Variants in TCF12 observed in about 807,000 individuals in gnomAD.
TCF12 encodes the protein transcription factor 12, also known as DNA-binding protein HTF4.
A neutral mutation model predicts 86.0 loss-of-function variants in TCF12; 45 were observed. The observed-to-expected ratio is 0.52, with a 90% CI of 0.41 to 0.67. The LOEUF (loss-of-function observed/expected upper bound fraction) is 0.67, where lower values mean the gene tolerates loss of function less well. Ranked by LOEUF, TCF12 falls within the 30% of genes least tolerant of loss-of-function variation. The pLI, the probability that TCF12 is intolerant of heterozygous loss-of-function variation, is 0.00. For synonymous variants in TCF12, 330 were observed against 299.6 expected, an observed-to-expected ratio of 1.10 and a Z score of -1.05; for missense variants, 881 against 859.9, an observed-to-expected ratio of 1.02 and a Z score of -0.31.
chr15:57,212,960 T>C (rs2058175571), intron 8 of TCF12, among the ~76,000 whole-genome samples: 1 of 152,336 alleles, frequency 6.6e-6, no homozygotes, highest in East Asian at 1.9e-4. Flanking sequence ...TACTAATGAA[T>C]GATAGGGAGA....
intron 5 of TCF12, among the ~76,000 whole-genome samples, chr15:57,117,344 T>G (rs1251067759): frequency 6.6e-6 from 1 of 152,166 alleles, no homozygotes; most frequent in Non-Finnish European, 1.5e-5. Context: ...TCTTAGCATC[T>G]TTAAAACCCA....
rs150427713 is a variant in TCF12, at chr15:57,064,624, A to G, written c.222+801A>G. ...AGCCTAGCCAACATAGTGAAACCCC[A>G]TCTCTACTAAAAATACAAAAATTAG... is the stretch of plus-strand genomic sequence containing the variant. On this transcript the variant is annotated intron_variant, in intron 4 of 20. Transcript: ENST00000333725. 4.9e-3 allele frequency among the ~76,000 whole-genome samples: 750 copies of G among 151,812 alleles called. 33 individuals are homozygous for G. In the East Asian group the frequency reaches 0.1, roughly 21 times the overall value.
chr15:57,112,438 CTG>C (rs566515719), intron 5 of TCF12, among the ~76,000 whole-genome samples: 79 of 152,308 alleles, frequency 5.2e-4, no homozygotes, highest in South Asian at 2.1e-3. Context: ...AGCTGTCTAA[CTG>C]TGACCGATTG....
intron 3 of TCF12, among the ~76,000 whole-genome samples, chr15:57,033,494 T>C (rs1255984617): frequency 2.6e-5 from 4 of 152,162 alleles, no homozygotes; most frequent in Non-Finnish European, 5.9e-5. Context: ...CACATTATTG[T>C]CTGAACTGAA....
At chr15:57,239,313 T>G (rs1206037767) in intron 12 of TCF12, among the ~76,000 whole-genome samples, 1 of 151,924 alleles carries the variant, frequency 6.6e-6, no homozygotes, top group Non-Finnish European at 1.5e-5. Flanking sequence ...ATTGCACCAC[T>G]GCACTCCAGC....
intron 5 of TCF12, among the ~76,000 whole-genome samples, chr15:57,165,363 G>A (rs1306523608): frequency 6.6e-6 from 1 of 152,046 alleles, no homozygotes; most frequent in Non-Finnish European, 1.5e-5. Context: ...CAGGTTTCAA[G>A]ATAAAAACCA....
intron 4 of TCF12, among the ~76,000 whole-genome samples, chr15:57,086,209 G>GATAATAATAATAATAATAATA (rs1404728992): frequency 2.5e-5 from 1 of 39,364 alleles, no homozygotes; most frequent in African/African-American, 8.7e-5. Flanking sequence ...CTTGGATGAT[G>GATAATAATAATAATAATAATA]ATGATAATAA....
intron 6 of TCF12, among the ~76,000 whole-genome samples, chr15:57,174,589 G>A (rs190254004): frequency 6.6e-6 from 1 of 152,316 alleles, no homozygotes; most frequent in East Asian, 1.9e-4. Flanking sequence ...AAAGGAGTAA[G>A]TTGAATTTGC....
intron 16 of TCF12, among the ~76,000 whole-genome samples, chr15:57,255,215 A>G (rs1339593103): frequency 5.9e-5 from 9 of 152,178 alleles, no homozygotes; most frequent in African/African-American, 1.9e-4. Context: ...TTTGCATAAA[A>G]TGGAACTTCT....
chr15:57,123,471 A>G (rs567248034), intron 5 of TCF12, among the ~76,000 whole-genome samples: 88 of 151,864 alleles, frequency 5.8e-4, no homozygotes, highest in African/African-American at 1.6e-3. Flanking sequence ...CTAATTAGGT[A>G]GACAATCTCC....
chr15:57,020,738 G>T (rs2065427868), intron 3 of TCF12, among the ~76,000 whole-genome samples: 1 of 152,014 alleles, frequency 6.6e-6, no homozygotes, highest in Non-Finnish European at 1.5e-5. Context: ...GTTATTTCAG[G>T]TGGCATATGT....
At chr15:57,194,456 C>T (rs919351721) in intron 7 of TCF12, among the ~76,000 whole-genome samples, 1 of 152,104 alleles carries the variant, frequency 6.6e-6, no homozygotes, top group African/African-American at 2.4e-5. Flanking sequence ...TTAGTGGGTT[C>T]TTACTACATT....
At chr15:57,194,584 CTATT>C (rs1289704068) in intron 7 of TCF12, among the ~76,000 whole-genome samples, 4 of 152,172 alleles carry the variant, frequency 2.6e-5, no homozygotes, top group Non-Finnish European at 5.9e-5. Flanking sequence ...TCTTCACAAA[CTATT>C]TAGGTGCTTT....
chr15:57,236,724 G>A (rs551261480), intron 12 of TCF12, among the ~76,000 whole-genome samples: 1 of 152,012 alleles, frequency 6.6e-6, no homozygotes, highest in African/African-American at 2.4e-5. Flanking sequence ...TTTATTTTAG[G>A]TTTAAGCCTG....
intron 5 of TCF12, among the ~76,000 whole-genome samples, chr15:57,134,145 T>G (rs2052354502): frequency 3.9e-5 from 6 of 152,218 alleles, no homozygotes; most frequent in Admixed American, 3.9e-4. Flanking sequence ...TATTGGGCGG[T>G]CTTGTTTGAT....
intron 5 of TCF12, among the ~76,000 whole-genome samples, chr15:57,130,830 G>A (rs1329604391): frequency 2.6e-5 from 4 of 152,170 alleles, no homozygotes; most frequent in Non-Finnish European, 5.9e-5. Flanking sequence ...CGAGTTGTAT[G>A]TATTGCCTGA....
chr15:57,233,088 GTA>G (rs1296933539), intron 11 of TCF12, among the ~76,000 whole-genome samples: 2 of 148,186 alleles, frequency 1.3e-5, no homozygotes, highest in Non-Finnish European at 3.0e-5. Context: ...TTTTATATAT[GTA>G]TATATAGGTA....
At chr15:57,028,174 G>C (rs1236886485) in intron 3 of TCF12, among the ~76,000 whole-genome samples, 1 of 152,084 alleles carries the variant, frequency 6.6e-6, no homozygotes, top group African/African-American at 2.4e-5. Context: ...CGCCATGTTG[G>C]GCAGGCTGGT....
chr15:57,265,110 T>TAGTATAGTATAGTAC (rs2060798715), intron 18 of TCF12, among the ~76,000 whole-genome samples: 1 of 150,550 alleles, frequency 6.6e-6, no homozygotes, highest in Non-Finnish European at 1.5e-5. Flanking sequence ...TAGTATAGTA[T>TAGTATAGTATAGTAC]AGTATAGTAT....
Sources: allele counts gnomAD v4.1 joint callset (sites outside exome capture counted in the v4.1 genomes callset), GRCh38; gene constraint gnomAD v4.1.1; transcripts MANE v1.5; gene names NCBI Gene and HGNC (gene_info 2026-07-23, HGNC 2026-07-21).